The following ETFDH variants were observed in gnomAD, a reference collection of about 807,000 sequenced individuals.
The protein encoded by ETFDH is electron transfer flavoprotein dehydrogenase, also known as electron transfer flavoprotein-ubiquinone oxidoreductase, mitochondrial.
ETFDH carries 61 observed loss-of-function variants against 73.2 expected under a neutral mutation model. The observed-to-expected ratio is 0.83, with a 90% CI of 0.68 to 1.03. ETFDH has a LOEUF of 1.03. ETFDH is among the 50% of genes least tolerant of loss of function. The pLI, the probability that ETFDH is intolerant of heterozygous loss-of-function variation, is 0.00. For missense variants in ETFDH, 685 were observed against 745.0 expected, an observed-to-expected ratio of 0.92 and a Z score of 0.94; for synonymous variants, 243 against 253.3, an observed-to-expected ratio of 0.96 and a Z score of 0.39.
intron 4 of ETFDH, 68 bp from the exon 5 acceptor site, chr4:158,685,033 A>G (rs1362277558): frequency 1.1e-6 from 1 of 903,122 alleles, no homozygotes; most frequent in African/African-American, 1.7e-5. Flanking sequence ...GAAATTTTAA[A>G]GTATTTATGT....
chr4:158,685,588 A>G (rs1773983677), intron 5 of ETFDH, among the ~76,000 whole-genome samples: 1 of 152,052 alleles, frequency 6.6e-6, no homozygotes, highest in Non-Finnish European at 1.5e-5. Context: ...CTTCCTCCCT[A>G]TCTTTACTCT....
At chr4:158,702,239 A>G (rs1468006075) in intron 9 of ETFDH, among the ~76,000 whole-genome samples, 1 of 151,930 alleles carries the variant, frequency 6.6e-6, no homozygotes, top group Non-Finnish European at 1.5e-5. Context: ...ATTTCCATAC[A>G]TGTGTATAAT....
chr4:158,706,985 G>A, intron 12 of ETFDH, 135 bp downstream of exon 12: 11 of 600,032 alleles, frequency 1.8e-5, no homozygotes, highest in South Asian at 5.8e-5. Flanking sequence ...CTTCCTTTAG[G>A]AAACATACTT....
chr4:158,694,603 AAAAAAATT>A (rs948373976), intron 6 of ETFDH, among the ~76,000 whole-genome samples: 2 of 151,970 alleles, frequency 1.3e-5, no homozygotes, highest in African/African-American at 2.4e-5. Context: ...TCAAAAAAAA[AAAAAAATT>A]AAAAAATTAA....
At chr4:158,684,419 A>C (rs948619213) in intron 3 of ETFDH, among the ~76,000 whole-genome samples, 173 bp from the exon 4 acceptor site, 3 of 151,356 alleles carry the variant, frequency 2.0e-5, no homozygotes, top group Non-Finnish European at 4.4e-5. Flanking sequence ...ATTTCTGTAC[A>C]TCTCAGACAG....
chr4:158,698,692 G>C (rs1000186776), intron 8 of ETFDH, among the ~76,000 whole-genome samples: 1 of 151,946 alleles, frequency 6.6e-6, no homozygotes, highest in Non-Finnish European at 1.5e-5. Flanking sequence ...TCTCATGATA[G>C]ATTGTTTTTC....
chr4:158,702,939 A>C (rs563245888), intron 9 of ETFDH, among the ~76,000 whole-genome samples: 3 of 152,246 alleles, frequency 2.0e-5, no homozygotes, highest in South Asian at 4.1e-4. Context: ...TCCCACCAAC[A>C]ATGTGTGAGT....
At chr4:158,694,695 A>G (rs1774264745) in intron 6 of ETFDH, among the ~76,000 whole-genome samples, 1 of 152,200 alleles carries the variant, frequency 6.6e-6, no homozygotes, top group Non-Finnish European at 1.5e-5. Flanking sequence ...CACTAACTGT[A>G]CTATAGGGAA....
intron 12 of ETFDH, among the ~76,000 whole-genome samples, chr4:158,708,065 G>A (rs1428376127): frequency 6.6e-6 from 1 of 152,234 alleles, no homozygotes; most frequent in Non-Finnish European, 1.5e-5. Flanking sequence ...CCCTGTGAAT[G>A]AGAGGATGAC....
chr4:158,700,065 G>A (rs555115892), intron 9 of ETFDH, among the ~76,000 whole-genome samples: 109 of 152,222 alleles, frequency 7.2e-4, no homozygotes, highest in Non-Finnish European at 1.3e-3. Context: ...AGGAATCTAG[G>A]ACTATCTTAG....
intron 1 of ETFDH, 88 bp from the exon 2 acceptor site, chr4:158,680,379 T>C (rs1365005217): frequency 2.3e-6 from 2 of 857,080 alleles, no homozygotes; most frequent in African/African-American, 3.3e-5. Flanking sequence ...ACTATACTCA[T>C]TGAGTATAGT....
chr4:158,681,025 C>G (rs1773844901), intron 2 of ETFDH, among the ~76,000 whole-genome samples: 1 of 127,312 alleles, frequency 7.9e-6, no homozygotes, highest in Non-Finnish European at 1.7e-5. Context: ...ATACTTTTAT[C>G]ATTATTTTAG....
At chr4:158,690,109 T>C (rs991731873) in intron 5 of ETFDH, among the ~76,000 whole-genome samples, 1 of 152,152 alleles carries the variant, frequency 6.6e-6, no homozygotes, top group Non-Finnish European at 1.5e-5. Flanking sequence ...CTCCCCCTTT[T>C]CTTTCTCATC....
rs1195446543 is a variant in ETFDH, at chr4:158,685,230, T to TTTTGTTTTGTTTTAATA, written c.606+15_606+31dup. The TTTTGTTTTGTTTTAATA allele has an allele frequency of 7.1e-7, 1 of 1,407,354 alleles. No individual in the cohort carries two copies. Among genetic ancestry groups the TTTTGTTTTGTTTTAATA allele is most frequent in the South Asian group, 1.2e-5 (1 of 86,634 alleles). The allele number at this position is 1,407,354 out of a possible 1,614,324, so 87.2% of individuals were successfully genotyped here. On this transcript the variant is annotated intron_variant, in intron 5 of 12. Transcript: ENST00000511912. ...TATGCAGCTGCTGAGGTTTGTATAG[T>TTTTGTTTTGTTTTAATA]TTTGTTTTGTTTTAATATTTATAGG...
intron 5 of ETFDH, 77 bp from the exon 6 acceptor site, chr4:158,690,271 C>A: frequency 1.2e-6 from 1 of 826,426 alleles, no homozygotes; most frequent in South Asian, 1.4e-5. Context: ...TCTAAGAAAC[C>A]TAAGGCTGTT....
At chr4:158,681,288 GA>G (rs1241827293) in intron 2 of ETFDH, among the ~76,000 whole-genome samples, 5 of 151,354 alleles carry the variant, frequency 3.3e-5, no homozygotes, top group Non-Finnish European at 7.4e-5. Flanking sequence ...AAGGTAAAAG[GA>G]AAAAAAATTT....
At position 158,706,339 on chromosome 4, in the gene ETFDH, G is replaced by A; in HGVS notation, c.1436G>A (p.Arg479Lys). 6.2e-7 allele frequency: 1 copy of A among 1,613,670 alleles called. No individual in the cohort carries two copies. Among genetic ancestry groups the A allele is most frequent in the Non-Finnish European group, 8.5e-7 (1 of 1,179,596 alleles). ...ACTGGAATCTTTTACTGGATATTGA[G>A]AGGAATGGAGCCGTGGACTCTGAAA... is the stretch of plus-strand genomic sequence containing the variant. ...IYTGIFYWIL[R>K]GMEPWTLKHK... is the part of the protein sequence containing the mutation. Residue 479 changes from arginine (R) to lysine (K), a missense_variant, in exon 11 of 13, where the codon AGA becomes AAA. By Grantham distance (26) the Arg-to-Lys change is conservative. Around this residue, in one of 3 missense-constraint regions of ETFDH, gnomAD observed 201 missense variants for 225.2 expected, o/e 0.89. Transcript: ENST00000511912.
intron 8 of ETFDH, among the ~76,000 whole-genome samples, chr4:158,698,168 C>A (rs1774360725): frequency 6.6e-6 from 1 of 152,182 alleles, no homozygotes; most frequent in African/African-American, 2.4e-5. Context: ...AGCAGTTTCT[C>A]CTTTTTTGGC....
rs1774625470 is a variant in ETFDH, at chr4:158,706,621, T to C, written c.1469-8T>C. 3 of 1,607,648 alleles carry C rather than the reference T, an allele frequency of 1.9e-6. No homozygotes were observed. In the South Asian group the frequency reaches 3.3e-5, roughly 18 times the overall value. ...TTTTGTTAAGCATTTCCCTCAAAAT[T>C]GTTGAAGGTTCTGACTTTGAACGGC... On this transcript the variant is annotated splice_region_variant and splice_polypyrimidine_tract_variant and intron_variant, in intron 11 of 12. Coordinates refer to ENST00000511912, the MANE Select transcript of ETFDH (RefSeq NM_004453.4).
Sources: allele counts gnomAD v4.1 joint callset (sites outside exome capture counted in the v4.1 genomes callset), GRCh38; gene constraint gnomAD v4.1.1; regional missense constraint gnomAD v4.1.1; transcripts MANE v1.5; gene names NCBI Gene and HGNC (gene_info 2026-07-23, HGNC 2026-07-21).